Variants in GON7 observed in about 807,000 individuals in gnomAD.
The protein encoded by GON7 is GON7 subunit of KEOPS complex.
Under a neutral mutation model 7.6 loss-of-function variants are expected in GON7, and 2 were observed. That is an observed-to-expected ratio of 0.26 (90% CI 0.11 to 0.83). The LOEUF (loss-of-function observed/expected upper bound fraction) is 0.83. GON7 is among the 40% of genes least tolerant of loss of function. The probability of loss-of-function intolerance (pLI) is 0.65; values close to 1 mark genes in which losing one functional copy is unlikely to be tolerated. For missense variants in GON7, 121 were observed against 132.2 expected, an observed-to-expected ratio of 0.92 and a Z score of 0.42; for synonymous variants, 54 against 56.6, an observed-to-expected ratio of 0.95 and a Z score of 0.20.
At chr14:93,204,198 G>A (rs1226782470) in intron 1 of GON7, among the ~76,000 whole-genome samples, 1 of 152,142 alleles carries the variant, frequency 6.6e-6, no homozygotes, top group Non-Finnish European at 1.5e-5. Context: ...GTTTCACCAT[G>A]TTGGCCAAGA....
Position 93,203,774 on chromosome 14 carries a change from C to T in GON7, c.217G>A (p.Glu73Lys). ...TTATTTTCATCTTCTGCATCATCTT[C>T]ATCATCACCTTTTAAAATAAATATT... ...APDEDLDGDD[E>K]DDAEDENNID... The change falls in exon 2 of 2, where the codon GAA (glutamate) becomes AAA (lysine). Residue 73 changes from glutamate to lysine, a missense_variant. Glu to Lys is a moderately conservative substitution (Grantham distance 56, BLOSUM62 1). Transcript: ENST00000306954. The T allele has an allele frequency of 6.2e-7, 1 of 1,612,098 alleles. No homozygotes were observed.
intron 1 of GON7, among the ~76,000 whole-genome samples, chr14:93,204,511 C>T (rs761135913): frequency 1.3e-5 from 2 of 152,158 alleles, no homozygotes; most frequent in Non-Finnish European, 2.9e-5. Flanking sequence ...TAGACTCAAA[C>T]TCCCAGGTTC....
chr14:93,203,708 G>A lies in GON7; in HGVS notation c.283C>T (p.Arg95Trp), dbSNP rs534896711. The change falls in exon 2 of 2, where the codon CGG becomes TGG. Residue 95 changes from arginine (R) to tryptophan (W), a missense_variant. Physicochemically the swap from Arg to Trp is moderately radical, Grantham distance 101. Coordinates refer to ENST00000306954, the MANE Select transcript of GON7 (RefSeq NM_032490.5). ...TATTGTTAAGACGGTGTTTTTGGCC[G>A]TTTTGCAGATGGTCCATCGAAGTTA... Reference protein sequence around the residue: ...RTNFDGPSAKRPKTPS With the variant: ...RTNFDGPSAKWPKTPS 1.7e-5 allele frequency: 28 copies of A among 1,613,968 alleles called. No individual in the cohort carries two copies. Among genetic ancestry groups the A allele is most frequent in the African/African-American group, 1.7e-4 (13 of 75,046 alleles).
chr14:93,203,754 T>G lies in GON7; in HGVS notation c.237A>C (p.Glu79Asp). The change falls in exon 2 of 2, where the codon GAA becomes GAC. Residue 79 changes from glutamate to aspartate, a missense_variant. Glu to Asp is a conservative substitution (Grantham distance 45). Coordinates refer to ENST00000306954, the MANE Select transcript of GON7 (RefSeq NM_032490.5). ...AGTTAGTTCTGTTATCAATGTTATT[T>G]TCATCTTCTGCATCATCTTCATCAT... ...DGDDEDDAEDENNIDNRTNFD... is the reference protein window; with the variant it reads ...DGDDEDDAEDDNNIDNRTNFD... 1.2e-6 allele frequency: 2 copies of G among 1,613,944 alleles called. No homozygotes were observed. The highest frequency in any genetic ancestry group is 1.7e-6 in the Non-Finnish European group (2 of 1,179,926).
In GON7 at chr14:93,206,921, C is replaced by T. The variant is rs764099412; in HGVS notation, c.117G>A (p.Gln39=). The part of the protein sequence containing the change: ...PFQGLLSGVA[Q]MKDMVTELFD... The stretch of plus-strand genomic sequence containing the variant: ...ATAATTCCGTTACCATGTCCTTCAT[C>T]TGGGCCACGCCAGACAACAGGCCCT... Residue 39 remains glutamine, a synonymous_variant, in exon 1 of 2, where the codon CAG becomes CAA. Transcript: ENST00000306954. 1.2e-6 allele frequency: 2 copies of T among 1,614,122 alleles called. 1 individual carries two copies. The highest frequency in any genetic ancestry group is 3.3e-5 in the Admixed American group (2 of 60,016).
At chr14:93,203,965 T>C (rs186682321) in intron 1 of GON7, among the ~76,000 whole-genome samples, 183 bp from the exon 2 acceptor site, 10 of 152,340 alleles carry the variant, frequency 6.6e-5, no homozygotes, top group African/African-American at 2.2e-4. Context: ...CTTTCCTCTT[T>C]GGAAATATTA....
Position 93,203,400 on chromosome 14 carries a change from T to C in GON7, c.*288A>G, listed in dbSNP as rs142653634. 1,542 of 337,236 alleles carry C rather than the reference T, an allele frequency of 4.6e-3. 9 individuals carry two copies. Among genetic ancestry groups the C allele is most frequent in the Non-Finnish European group, 5.6e-3 (1,036 of 185,692 alleles). 20.9% of individuals were successfully genotyped at this position (337,236 alleles called of 1,614,324 possible). ...CACAAATCAATGATTATTTTAAAAA[T>C]AGAAAACAATGATAAAAATTCAGTT... On this transcript the variant is annotated 3_prime_UTR_variant, in exon 2 of 2. Transcript: ENST00000306954.
intron 1 of GON7, 24 bp downstream of exon 1, chr14:93,206,806 C>A (rs1566818377): frequency 6.2e-7 from 1 of 1,607,398 alleles, no homozygotes; most frequent in Admixed American, 1.7e-5. Flanking sequence ...CCTCCGGTCA[C>A]TGCAGCACCG....
chr14:93,205,906 T>C (rs1380601081), intron 1 of GON7, among the ~76,000 whole-genome samples: 1 of 152,198 alleles, frequency 6.6e-6, no homozygotes, highest in Non-Finnish European at 1.5e-5. Context: ...TAAAACTCCT[T>C]TTTATTCAAC....
At position 93,207,007 on chromosome 14, in the gene GON7, C is replaced by T. The variant is rs1223244414; in HGVS notation, c.31G>A (p.Glu11Lys). The change falls in exon 1 of 2, where the codon GAA (glutamate) becomes AAA (lysine). Residue 11 changes from glutamate (E) to lysine (K), a missense_variant. Glu to Lys is a moderately conservative substitution (Grantham distance 56). Transcript: ENST00000306954. The stretch of plus-strand genomic sequence containing the variant: ...ACCCGCAGCTTCTGCGGCTTCCCTT[C>T]CTGCCCGACGTACTCTCCCAGCAGC... MELLGEYVGQ[E>K]GKPQKLRVSC... is the part of the protein sequence containing the mutation. 1 of 1,613,858 alleles carries T rather than the reference C, an allele frequency of 6.2e-7. No individual in the cohort carries two copies.
In GON7 at chr14:93,203,527, A is replaced by G. The variant is rs1894288446; in HGVS notation, c.*161T>C. 3.7e-6 allele frequency: 2 copies of G among 542,338 alleles called. No homozygotes were observed. The highest frequency in any genetic ancestry group is 1.9e-5 in the African/African-American group (1 of 53,132). The allele number at this position is 542,338 out of a possible 1,614,324, so 33.6% of individuals were successfully genotyped here. On this transcript the variant is annotated 3_prime_UTR_variant, in exon 2 of 2. Transcript: ENST00000306954. ...CAGATTTTATTTCTAAGCCTTTACT[A>G]TCTTTGCTAGAAACAGAAAAACCAG...
chr14:93,204,480 G>A (rs1344576695), intron 1 of GON7, among the ~76,000 whole-genome samples: 1 of 151,954 alleles, frequency 6.6e-6, no homozygotes, highest in African/African-American at 2.4e-5. Context: ...TTAGAGATAG[G>A]GTCTTGCTAT....
In GON7 at chr14:93,206,886, A is replaced by C; in HGVS notation, c.152T>G (p.Leu51Arg). Residue 51 changes from leucine (L) to arginine (R), a missense_variant, in exon 1 of 2, where the codon CTG (leucine) becomes CGG (arginine). Physicochemically the swap from Leu to Arg is moderately radical, Grantham distance 102. Coordinates refer to ENST00000306954, the MANE Select transcript of GON7 (RefSeq NM_032490.5). Reference sequence around the variant, plus strand: ...CCGGTGCTGCACTTCCCCCTGTACCAGAGGGTCGAATAATTCCGTTACCAT... The same window carrying C: ...CCGGTGCTGCACTTCCCCCTGTACCCGAGGGTCGAATAATTCCGTTACCAT... ...KDMVTELFDP[L>R]VQGEVQHRVA... The C allele has an allele frequency of 1.9e-6, 3 of 1,614,158 alleles. No individual in the cohort carries two copies. In the South Asian group the frequency reaches 3.3e-5, roughly 18 times the overall value.
intron 1 of GON7, 77 bp from the exon 2 acceptor site, chr14:93,203,859 A>T (rs1289441383): frequency 9.7e-7 from 1 of 1,036,010 alleles, no homozygotes; most frequent in African/African-American, 1.6e-5. Context: ...GTGGTTGATA[A>T]TGAGACCATT....
intron 1 of GON7, among the ~76,000 whole-genome samples, chr14:93,205,379 T>C (rs904344832): frequency 1.3e-5 from 2 of 152,190 alleles, no homozygotes; most frequent in Admixed American, 1.3e-4. Flanking sequence ...GGTTAAAATG[T>C]ACCTGCCTGG....
At chr14:93,205,418 C>T (rs1894319700) in intron 1 of GON7, among the ~76,000 whole-genome samples, 1 of 152,120 alleles carries the variant, frequency 6.6e-6, no homozygotes, top group Non-Finnish European at 1.5e-5. Flanking sequence ...GCCTGTAATC[C>T]CAGCACTCTG....
Position 93,206,869 on chromosome 14 carries a change from G to C in GON7, c.169C>G (p.Gln57Glu). The C allele has an allele frequency of 6.2e-7, 1 of 1,614,146 alleles. No individual in the cohort carries two copies. Among genetic ancestry groups the C allele is most frequent in the South Asian group, 1.1e-5 (1 of 91,084 alleles). The change falls in exon 1 of 2, where the codon CAG (glutamine) becomes GAG (glutamate). Residue 57 changes from glutamine to glutamate, a missense_variant. Transcript: ENST00000306954. Reference sequence around the variant, plus strand: ...TCTGGAGCCGCCGCCACCCGGTGCTGCACTTCCCCCTGTACCAGAGGGTCG... The same window carrying C: ...TCTGGAGCCGCCGCCACCCGGTGCTCCACTTCCCCCTGTACCAGAGGGTCG... Reference protein sequence around the residue: ...LFDPLVQGEVQHRVAAAPDED... With the variant: ...LFDPLVQGEVEHRVAAAPDED...
intron 1 of GON7, among the ~76,000 whole-genome samples, chr14:93,204,743 ATT>A (rs1167253770): frequency 6.6e-6 from 1 of 152,198 alleles, no homozygotes; most frequent in African/African-American, 2.4e-5. Context: ...ATTACTTTTT[ATT>A]GCTAATAATA....
intron 1 of GON7, among the ~76,000 whole-genome samples, chr14:93,204,648 T>C (rs965280331): frequency 1.3e-5 from 2 of 152,216 alleles, no homozygotes; most frequent in Admixed American, 1.3e-4. Context: ...AACAAAATCA[T>C]GCAACATGTA....
Sources: gnomAD v4.1 joint callset for allele counts (sites outside exome capture counted in the v4.1 genomes callset) on GRCh38, gnomAD v4.1.1 for gene constraint, MANE v1.5 for transcripts, NCBI Gene and HGNC (gene_info 2026-07-23, HGNC 2026-07-21) for gene names.